Variants in CLDN10 observed in about 807,000 individuals in gnomAD.
CLDN10 encodes the protein claudin 10.
A neutral mutation model predicts 22.9 loss-of-function variants in CLDN10; 15 were observed. The observed-to-expected ratio is 0.65, with a 90% CI of 0.44 to 1.01. The LOEUF is 1.01. Among genes scored for constraint, CLDN10 ranks in the 50% least tolerant of loss-of-function variants. The probability of loss-of-function intolerance (pLI) is 0.00; values close to 1 mark genes in which losing one functional copy is unlikely to be tolerated. For synonymous variants in CLDN10, 114 were observed against 111.4 expected (o/e 1.02, Z -0.15); for missense variants, 247 against 287.8 (o/e 0.86, Z 1.03).
intron 1 of CLDN10, among the ~76,000 whole-genome samples, chr13:95,492,466 C>CCTCA (rs1287450771): frequency 6.6e-6 from 1 of 152,068 alleles, no homozygotes; most frequent in Non-Finnish European, 1.5e-5. Flanking sequence ...CAATCACAGG[C>CCTCA]CTCACCCAGC....
chr13:95,543,103 A>T (rs527328728), intron 1 of CLDN10, among the ~76,000 whole-genome samples: 40 of 152,116 alleles, frequency 2.6e-4, no homozygotes, highest in Non-Finnish European at 5.3e-4. Context: ...ATAGTGTCAC[A>T]TGCCTGTAAC....
intron 1 of CLDN10, among the ~76,000 whole-genome samples, chr13:95,455,193 A>G (rs1312015175): frequency 6.8e-6 from 1 of 148,030 alleles, no homozygotes; most frequent in Non-Finnish European, 1.5e-5. Context: ...TATAGCCTCT[A>G]ATAGAAAAAA....
chr13:95,447,742 CGTGTGTGTGTGTGT>C (rs5805934), intron 1 of CLDN10, among the ~76,000 whole-genome samples: 4 of 147,544 alleles, frequency 2.7e-5, no homozygotes, highest in African/African-American at 7.5e-5. Context: ...AGTGCACATG[CGTGTGTGTGTGTGT>C]GTGTGTGTGT....
At chr13:95,520,169 A>G (rs2043210386) in intron 1 of CLDN10, among the ~76,000 whole-genome samples, 1 of 152,190 alleles carries the variant, frequency 6.6e-6, no homozygotes, top group South Asian at 2.1e-4. Flanking sequence ...AACTAATACC[A>G]GATTAATCTT....
At chr13:95,442,612 G>A (rs2042335167) in intron 1 of CLDN10, among the ~76,000 whole-genome samples, 1 of 152,194 alleles carries the variant, frequency 6.6e-6, no homozygotes, top group Non-Finnish European at 1.5e-5. Context: ...GGCTCCACAG[G>A]GGAAGGCAGG....
At chr13:95,526,377 A>G (rs1298952408) in intron 1 of CLDN10, among the ~76,000 whole-genome samples, 4 of 152,156 alleles carry the variant, frequency 2.6e-5, no homozygotes, top group African/African-American at 9.7e-5. Context: ...GAGACTGTAG[A>G]CGGACTTGTC....
chr13:95,564,566 C>A (rs961213090), intron 3 of CLDN10, among the ~76,000 whole-genome samples: 2 of 152,184 alleles, frequency 1.3e-5, no homozygotes, highest in African/African-American at 4.8e-5. Flanking sequence ...GTTGTTCTTG[C>A]TTTGCTGCTG....
intron 1 of CLDN10, among the ~76,000 whole-genome samples, chr13:95,538,238 C>T (rs1415145244): frequency 9.5e-5 from 12 of 126,302 alleles, no homozygotes; most frequent in African/African-American, 3.6e-4. Context: ...TGGGTTGAGG[C>T]GATTCTCCTG....
chr13:95,530,701 T>C (rs2043333102), intron 1 of CLDN10, among the ~76,000 whole-genome samples: 1 of 152,240 alleles, frequency 6.6e-6, no homozygotes, highest in Non-Finnish European at 1.5e-5. Flanking sequence ...TGCTTATATT[T>C]TTTATTGTTT....
intron 1 of CLDN10, among the ~76,000 whole-genome samples, chr13:95,499,343 A>G (rs763553810): frequency 2.6e-5 from 4 of 152,136 alleles, no homozygotes; most frequent in Admixed American, 6.5e-5. Context: ...GGAGTTCTAG[A>G]CCACCCTAGC....
intron 1 of CLDN10, among the ~76,000 whole-genome samples, chr13:95,442,596 C>G (rs1423292819): frequency 1.3e-5 from 2 of 152,184 alleles, no homozygotes; most frequent in East Asian, 3.8e-4. Flanking sequence ...GAAAAGGCCC[C>G]CTTTGGGCTC....
chr13:95,497,078 G>A (rs1235897207), intron 1 of CLDN10: 2 of 151,722 alleles, frequency 1.3e-5, no homozygotes, highest in African/African-American at 4.8e-5. Context: ...TTGTTGTGAA[G>A]ACGAAATGCT....
intron 1 of CLDN10, among the ~76,000 whole-genome samples, chr13:95,447,676 G>GAACTGTCA (rs1192642073): frequency 6.6e-6 from 1 of 151,994 alleles, no homozygotes; most frequent in Non-Finnish European, 1.5e-5. Context: ...ACCTTGGGAA[G>GAACTGTCA]AACTGTCAAA....
At chr13:95,478,753 G>A (rs559541016) in intron 1 of CLDN10, among the ~76,000 whole-genome samples, 1 of 152,298 alleles carries the variant, frequency 6.6e-6, no homozygotes, top group South Asian at 2.1e-4. Flanking sequence ...TTAAGGTTCC[G>A]CGTTCATCAC....
intron 3 of CLDN10, among the ~76,000 whole-genome samples, chr13:95,566,430 G>A (rs1173213548): frequency 1.3e-5 from 2 of 152,176 alleles, no homozygotes; most frequent in African/African-American, 4.8e-5. Flanking sequence ...CTTCTTTTGA[G>A]AAGTGTCTGT....
chr13:95,473,709 C>T (rs1249935300), intron 1 of CLDN10, among the ~76,000 whole-genome samples: 4 of 152,156 alleles, frequency 2.6e-5, no homozygotes, highest in African/African-American at 4.8e-5. Flanking sequence ...CAGGTCAGGG[C>T]GGGACTGAGA....
At position 95,552,943 on chromosome 13, in the gene CLDN10, A is replaced by T. The variant is rs1353093823; in HGVS notation, c.190A>T (p.Lys64Ter). ...VTDSTGVSNC[K>*]DFPSMLALDG... ...CGACTCCACGGGCGTCTCCAACTGC[A>T]AGGACTTCCCCTCCATGCTGGCGCT... The change falls in exon 1 of 5, where the codon AAG (lysine) becomes TAG (stop). Residue 64 changes from lysine (K) to a stop codon, truncating the protein, a stop_gained. Coordinates refer to ENST00000299339, the MANE Select transcript of CLDN10 (RefSeq NM_006984.5). LOFTEE classifies it high-confidence loss of function. 3 of 1,614,008 alleles carry T rather than the reference A, an allele frequency of 1.9e-6. No homozygotes were observed. The highest frequency in any genetic ancestry group is 2.5e-6 in the Non-Finnish European group (3 of 1,179,976).
intron 1 of CLDN10, among the ~76,000 whole-genome samples, chr13:95,448,213 G>GA (rs549248244): frequency 4.0e-5 from 6 of 151,802 alleles, no homozygotes; most frequent in Admixed American, 1.3e-4. Flanking sequence ...CACACACACA[G>GA]AAAAATACAC....
At position 95,556,536 on chromosome 13, in the gene CLDN10, T is replaced by C. The variant is rs138187327; in HGVS notation, c.220+3563T>C. Among the ~76,000 whole-genome samples, 511 of 152,378 alleles carry C rather than the reference T, an allele frequency of 3.4e-3. 2 individuals are homozygous for C. Among genetic ancestry groups the C allele is most frequent in the African/African-American group, 0.012 (487 of 41,600 alleles). On this transcript the variant is annotated intron_variant, in intron 1 of 4. Coordinates refer to ENST00000299339, the MANE Select transcript of CLDN10 (RefSeq NM_006984.5). ...ATTATAATATGACGGGATGCTTTGA[T>C]GACTTTCTTACTGCTCAGCAGACAT...
Sources: gnomAD v4.1 joint callset for allele counts (sites outside exome capture counted in the v4.1 genomes callset) on GRCh38, gnomAD v4.1.1 for gene constraint, MANE v1.5 for transcripts, NCBI Gene and HGNC (gene_info 2026-07-23, HGNC 2026-07-21) for gene names.